Variants in RAD51B observed in about 807,000 individuals in gnomAD.
RAD51B encodes the protein RAD51 paralog B.
RAD51B carries 38 observed loss-of-function variants against 42.2 expected under a neutral mutation model. The observed-to-expected ratio is 0.90, with a 90% CI of 0.70 to 1.18. The LOEUF is 1.18. Among genes scored for constraint, RAD51B ranks in the 50% most tolerant of loss-of-function variants. The probability of loss-of-function intolerance (pLI) is 0.00; values close to 1 mark genes in which losing one functional copy is unlikely to be tolerated. For synonymous variants in RAD51B, 154 were observed against 145.2 expected (o/e 1.06, Z -0.43); for missense variants, 373 against 400.7 (o/e 0.93, Z 0.59).
At chr14:67,991,101 A>C (rs1222488360) in intron 7 of RAD51B, among the ~76,000 whole-genome samples, 1 of 152,164 alleles carries the variant, frequency 6.6e-6, no homozygotes, top group Admixed American at 6.6e-5. Context: ...CCAGGCACTT[A>C]AATCTGGGAA....
chr14:68,101,664 G>A (rs1238690741), intron 7 of RAD51B, among the ~76,000 whole-genome samples: 1 of 152,208 alleles, frequency 6.6e-6, no homozygotes, highest in Non-Finnish European at 1.5e-5. Flanking sequence ...GGCTTTACAG[G>A]GTACAGCCTC....
chr14:68,261,937 G>A (rs2080898821), intron 7 of RAD51B, among the ~76,000 whole-genome samples: 1 of 152,140 alleles, frequency 6.6e-6, no homozygotes, highest in Non-Finnish European at 1.5e-5. Flanking sequence ...GGGTCAGGCA[G>A]GGAAGGGGGC....
chr14:68,558,944 A>G (rs1178119267), intron 10 of RAD51B, among the ~76,000 whole-genome samples: 3 of 152,084 alleles, frequency 2.0e-5, no homozygotes, highest in African/African-American at 7.2e-5. Flanking sequence ...GTGTGTAAGT[A>G]TATGCCTGTG....
chr14:68,072,516 T>G (rs1274856575), intron 7 of RAD51B, among the ~76,000 whole-genome samples: 1 of 152,028 alleles, frequency 6.6e-6, no homozygotes, highest in Non-Finnish European at 1.5e-5. Context: ...GGCAGCTGAT[T>G]AAATGGTGCC....
chr14:68,149,175 G>A (rs968203413), intron 7 of RAD51B, among the ~76,000 whole-genome samples: 1 of 152,164 alleles, frequency 6.6e-6, no homozygotes, highest in South Asian at 2.1e-4. Flanking sequence ...TATCTTAACA[G>A]TGTCTTTGTC....
chr14:68,043,051 G>GA lies in RAD51B; in HGVS notation c.756+155858dup, dbSNP rs34790747. Among the ~76,000 whole-genome samples the GA allele has an allele frequency of 6.9e-3, 1,007 of 145,314 alleles. 7 individuals are homozygous for GA. The highest frequency in any genetic ancestry group is 0.022 in the African/African-American group (866 of 39,990). ...TAAGGCTAAATGCTCTTTGAATGGG[G>GA]AAAAAAAAAAACTCTCTCAACAGAT... is the stretch of plus-strand genomic sequence containing the variant. On this transcript the variant is annotated intron_variant, in intron 7 of 10. Transcript: ENST00000471583.
intron 9 of RAD51B, among the ~76,000 whole-genome samples, chr14:68,418,069 GT>G (rs1222603383): frequency 6.6e-6 from 1 of 152,168 alleles, no homozygotes; most frequent in Non-Finnish European, 1.5e-5. Flanking sequence ...CCACCATGAT[GT>G]TTTAAAAGGC....
chr14:68,179,597 C>A (rs2079021520), intron 7 of RAD51B, among the ~76,000 whole-genome samples: 1 of 152,126 alleles, frequency 6.6e-6, no homozygotes, highest in South Asian at 2.1e-4. Flanking sequence ...TAGTCTAGAA[C>A]AGTGCTTCAC....
downstream of RAD51B, chr14:68,596,111 C>A (rs1014403067): frequency 1.6e-5 from 15 of 918,790 alleles, no homozygotes; most frequent in African/African-American, 2.6e-4. Context: ...GATTCAAATT[C>A]TTCAGCCCTT....
At chr14:68,025,465 T>G (rs2075938463) in intron 7 of RAD51B, among the ~76,000 whole-genome samples, 1 of 147,954 alleles carries the variant, frequency 6.8e-6, no homozygotes, top group Non-Finnish European at 1.5e-5. Context: ...TGTGAATCCA[T>G]CTGGTCTAGG....
chr14:68,031,892 G>T (rs2076049899), intron 7 of RAD51B, among the ~76,000 whole-genome samples: 1 of 152,200 alleles, frequency 6.6e-6, no homozygotes. Context: ...TGCTCTGAAT[G>T]ATATGACTTT....
At chr14:67,872,959 A>C (rs954195586) in intron 5 of RAD51B, among the ~76,000 whole-genome samples, 4 of 152,228 alleles carry the variant, frequency 2.6e-5, no homozygotes, top group African/African-American at 4.8e-5. Context: ...TAAAGACTTA[A>C]ATGTAAGACC....
chr14:68,168,857 T>A (rs1177151391), intron 7 of RAD51B, among the ~76,000 whole-genome samples: 1 of 152,064 alleles, frequency 6.6e-6, no homozygotes, highest in Non-Finnish European at 1.5e-5. Flanking sequence ...CAAGTGAACA[T>A]GATGTTCATG....
At chr14:68,049,980 T>C (rs1425598813) in intron 7 of RAD51B, among the ~76,000 whole-genome samples, 1 of 152,220 alleles carries the variant, frequency 6.6e-6, no homozygotes. Flanking sequence ...TTTCAACTTG[T>C]ATACCTTGAT....
chr14:68,085,167 C>T (rs564926939), intron 7 of RAD51B, among the ~76,000 whole-genome samples: 12 of 152,176 alleles, frequency 7.9e-5, no homozygotes, highest in Non-Finnish European at 1.6e-4. Context: ...GAGACATCCA[C>T]AAGGAAGAGT....
chr14:67,919,333 G>A (rs879932003), intron 7 of RAD51B, among the ~76,000 whole-genome samples: 3 of 152,160 alleles, frequency 2.0e-5, no homozygotes, highest in Non-Finnish European at 2.9e-5. Flanking sequence ...TTAAGATGCA[G>A]TAGAGCTCTC....
At chr14:68,468,480 C>T (rs183085934) in intron 10 of RAD51B, 3 of 582,198 alleles carry the variant, frequency 5.2e-6, no homozygotes, top group East Asian at 6.4e-5. Context: ...AATTTCCTAA[C>T]AGAATGAGAC....
chr14:68,180,456 C>T lies in RAD51B; in HGVS notation c.757-111428C>T, dbSNP rs576944946. 1.1e-4 allele frequency among the ~76,000 whole-genome samples: 17 copies of T among 152,134 alleles called. No homozygotes were observed. The South Asian group carries it at 3.3e-3, about 30-fold the overall frequency. ...TACTCTTTTTAAGAAAAGTAGTTGACTTTGATAATGAAAAAGTATCATCAT... is the reference window on the plus strand; with the variant it reads ...TACTCTTTTTAAGAAAAGTAGTTGATTTTGATAATGAAAAAGTATCATCAT... On this transcript the variant is annotated intron_variant, in intron 7 of 10. Transcript: ENST00000471583.
At chr14:68,392,634 T>C (rs1327378047) in intron 8 of RAD51B, among the ~76,000 whole-genome samples, 3 of 152,208 alleles carry the variant, frequency 2.0e-5, no homozygotes, top group Non-Finnish European at 4.4e-5. Flanking sequence ...GGCTGGTGAA[T>C]AATAGAACCC....
Sources: gnomAD v4.1 joint callset for allele counts (sites outside exome capture counted in the v4.1 genomes callset) on GRCh38, gnomAD v4.1.1 for gene constraint, MANE v1.5 for transcripts, NCBI Gene and HGNC (gene_info 2026-07-23, HGNC 2026-07-21) for gene names.